ATP7B: variants seen among roughly 807,000 people sequenced by gnomAD.
The protein encoded by ATP7B is ATPase copper transporting beta, also known as copper-transporting ATPase 2.
Under a neutral mutation model 118.9 loss-of-function variants are expected in ATP7B, and 113 were observed. That is an observed-to-expected ratio of 0.95 (90% CI 0.82 to 1.11). The LOEUF (loss-of-function observed/expected upper bound fraction) is 1.11. ATP7B is among the 50% of genes most tolerant of loss of function. ATP7B has a pLI of 0.00. For synonymous variants in ATP7B, 777 were observed against 727.4 expected, an observed-to-expected ratio of 1.07 and a Z score of -1.10; for missense variants, 1,867 against 1,871.4, an observed-to-expected ratio of 1.00 and a Z score of 0.04.
At chr13:51,935,855 C>G (rs559211523) in intron 19 of ATP7B, among the ~76,000 whole-genome samples, 160 bp from the exon 20 acceptor site, 2 of 152,234 alleles carry the variant, frequency 1.3e-5, no homozygotes, top group Non-Finnish European at 2.9e-5. Context: ...AGGCCCCCCC[C>G]AAAGTGAGGC....
rs1362240104 is a variant in ATP7B at position 51,937,535 on chromosome 13, C to A, written c.3844G>T (p.Val1282Leu). The A allele has an allele frequency of 6.2e-7, 1 of 1,614,256 alleles. No homozygotes were observed. The highest frequency in any genetic ancestry group is 8.5e-7 in the Non-Finnish European group (1 of 1,180,044). The change falls in exon 18 of 21, where the codon GTG (valine) becomes TTG (leucine). Residue 1282 changes from valine to leucine, a missense_variant. By Grantham distance (32) the Val-to-Leu change is conservative. Coordinates refer to ENST00000242839, the MANE Select transcript of ATP7B (RefSeq NM_000053.4). ...SPALAQADMGVAIGTGTDVAI... is the reference protein window; with the variant it reads ...SPALAQADMGLAIGTGTDVAI... ...ACATCCGTGCCGGTGCCAATGGCCA[C>A]ACCCATGTCTGCCTGGGCCAAGGCC... is the stretch of plus-strand genomic sequence containing the variant.
At chr13:52,011,517 G>T (rs1954037528), upstream of ATP7B, 8 of 731,448 alleles carry the variant, frequency 1.1e-5, no homozygotes, top group Non-Finnish European at 1.4e-5. Context: ...TTGGGACCGG[G>T]GAAGCCGCAG....
rs756557479 is a variant in ATP7B at position 51,957,625 on chromosome 13, T to C, written c.2356-18A>G. The C allele has an allele frequency of 4.3e-6, 7 of 1,610,598 alleles. No homozygotes were observed. In the South Asian group the frequency reaches 5.5e-5, roughly 13 times the overall value. On this transcript the variant is annotated intron_variant, in intron 8 of 20. Coordinates refer to ENST00000242839, the MANE Select transcript of ATP7B (RefSeq NM_000053.4). ...GTTTTGCTCTAGGAAATAACCAGAA[T>C]GTGAAATGAGAGCTATCGAAAGCAG... is the stretch of plus-strand genomic sequence containing the variant.
intron 1 of ATP7B, 49 bp downstream of exon 1, chr13:52,011,238 T>A: frequency 6.2e-7 from 1 of 1,614,008 alleles, no homozygotes; most frequent in Non-Finnish European, 8.5e-7. Context: ...AGGAAAATCC[T>A]CCTGGTGGGA....
In ATP7B at chr13:51,958,415, C is replaced by T. The variant is rs1555291181; in HGVS notation, c.2251G>A (p.Ala751Thr). 2 of 1,614,234 alleles carry T rather than the reference C, an allele frequency of 1.2e-6. No individual in the cohort carries two copies. Among genetic ancestry groups the T allele is most frequent in the Non-Finnish European group, 1.7e-6 (2 of 1,180,044 alleles). Reference sequence around the variant, plus strand: ...CTCCTCTCCGCCTTCTCAGCCACAGCAACCACCAGGATGACCAGAGAATAA... The same window carrying T: ...CTCCTCTCCGCCTTCTCAGCCACAGTAACCACCAGGATGACCAGAGAATAA... ...YVYSLVILVV[A>T]VAEKAERSPV... The change falls in exon 8 of 21, where the codon GCT becomes ACT. Residue 751 changes from alanine (A) to threonine (T), a missense_variant. Transcript: ENST00000242839.
rs746485916 is a variant in ATP7B at position 51,944,231 on chromosome 13, G to C, written c.3121C>G (p.Arg1041Gly). 1.9e-6 allele frequency: 3 copies of C among 1,614,024 alleles called. No individual in the cohort carries two copies. The South Asian group carries it at 3.3e-5, about 18-fold the overall frequency. ...TITHGVPRVM[R>G]VLLLGDVATL... ...GCCACATCCCCCAGCAGGAGCACCC[G>C]CATGACCCTGGGGACGCCATGGGTA... The change falls in exon 14 of 21, where the codon CGG (arginine) becomes GGG (glycine). Residue 1041 changes from arginine (R) to glycine (G), a missense_variant. Transcript: ENST00000242839.
chr13:51,968,500 A>C lies in ATP7B; in HGVS notation c.1651T>G (p.Phe551Val). 1 of 1,614,132 alleles carries C rather than the reference A, an allele frequency of 6.2e-7. No homozygotes were observed. The change falls in exon 4 of 21, where the codon TTT becomes GTT. Residue 551 changes from phenylalanine to valine, a missense_variant. Phe to Val is a conservative substitution (Grantham distance 50). Coordinates refer to ENST00000242839, the MANE Select transcript of ATP7B (RefSeq NM_000053.4). ...EIAQFIQDLGFEAAVMEDYAG... is the reference protein window; with the variant it reads ...EIAQFIQDLGVEAAVMEDYAG... ...TAGTCCTCCATGACTGCTGCCTCAA[A>C]ACCCAGGTCCTGGATGAACTGAGCT...
intron 1 of ATP7B, chr13:51,995,464 A>T (rs1429989921): frequency 2.2e-6 from 1 of 460,406 alleles, no homozygotes; most frequent in Non-Finnish European, 2.9e-6. Flanking sequence ...GCTTGTGGAC[A>T]GACAGCAGGG....
Position 51,958,308 on chromosome 13 carries a change from T to C in ATP7B, c.2355+3A>G, listed in dbSNP as rs1958486855. 3 of 1,614,122 alleles carry C rather than the reference T, an allele frequency of 1.9e-6. No individual in the cohort carries two copies. Among genetic ancestry groups the C allele is most frequent in the South Asian group, 2.2e-5 (2 of 91,074 alleles). On this transcript the variant is annotated splice_donor_region_variant and intron_variant, in intron 8 of 20. Coordinates refer to ENST00000242839, the MANE Select transcript of ATP7B (RefSeq NM_000053.4). ...TCTTTTCTGAACCTGAAGCTGCTGT[T>C]ACCTTTGCCAAGTGTTCCAGCCACC...
chr13:51,967,240 T>C, intron 4 of ATP7B: 1 of 900,024 alleles, frequency 1.1e-6, no homozygotes, highest in Admixed American at 2.3e-5. Context: ...CTTTCTTTTT[T>C]TTTTCATTAC....
At chr13:51,999,853 G>T (rs1953406161) in intron 1 of ATP7B, among the ~76,000 whole-genome samples, 1 of 152,118 alleles carries the variant, frequency 6.6e-6, no homozygotes, top group Non-Finnish European at 1.5e-5. Context: ...CGAGACAGTG[G>T]TCCTATCCCC....
intron 1 of ATP7B, among the ~76,000 whole-genome samples, chr13:52,006,912 G>A (rs1168253164): frequency 1.3e-5 from 2 of 152,152 alleles, no homozygotes; most frequent in Non-Finnish European, 2.9e-5. Flanking sequence ...TGTGGGTGCT[G>A]TACCATGTAG....
intron 20 of ATP7B, among the ~76,000 whole-genome samples, chr13:51,935,249 C>T (rs1956889088): frequency 1.3e-5 from 2 of 152,230 alleles, no homozygotes; most frequent in South Asian, 4.1e-4. Context: ...TAGGCTGCCA[C>T]TAACTTTTGT....
rs979517861 is a variant in ATP7B, at chr13:51,937,807, C to G, written c.3700-128G>C. ...AGTCAGTGATGTTGGTCAACCACAC[C>G]CTGCAGGTTTGCTGTCACAGGGCCA... On this transcript the variant is annotated intron_variant, in intron 17 of 20. Transcript: ENST00000242839. The G allele has an allele frequency of 1.4e-5, 15 of 1,085,172 alleles. No individual in the cohort carries two copies. In the South Asian group the frequency reaches 1.8e-4, roughly 13 times the overall value. The allele number at this position is 1,085,172 out of a possible 1,614,324, so 67.2% of individuals were successfully genotyped here. A position where few individuals can be genotyped will look rare whatever the true frequency, so the allele number is the denominator to read the frequency against.
chr13:51,963,910 G>T (rs1300210391), intron 5 of ATP7B, among the ~76,000 whole-genome samples: 1 of 151,924 alleles, frequency 6.6e-6, no homozygotes, highest in Non-Finnish European at 1.5e-5. Flanking sequence ...AAATTAGCCA[G>T]GCATGGCGGT....
intron 19 of ATP7B, among the ~76,000 whole-genome samples, chr13:51,936,735 C>T (rs1956988350): frequency 6.6e-6 from 1 of 152,082 alleles, no homozygotes; most frequent in Admixed American, 6.5e-5. Context: ...CCATGTTGCC[C>T]AGGTGAGTCT....
chr13:51,980,070 T>G (rs1322297061), intron 1 of ATP7B, among the ~76,000 whole-genome samples: 1 of 152,338 alleles, frequency 6.6e-6, no homozygotes, highest in Non-Finnish European at 1.5e-5. Flanking sequence ...ATTCAGTTCT[T>G]CAATTAAGAT....
intron 1 of ATP7B, among the ~76,000 whole-genome samples, chr13:52,006,365 C>G (rs186318007): frequency 1.3e-5 from 2 of 152,322 alleles, no homozygotes; most frequent in East Asian, 3.9e-4. Flanking sequence ...GTTTATTACC[C>G]TGCTCCGTAG....
At chr13:52,001,196 T>C (rs1266845311) in intron 1 of ATP7B, among the ~76,000 whole-genome samples, 2 of 152,286 alleles carry the variant, frequency 1.3e-5, no homozygotes, top group East Asian at 3.9e-4. Context: ...TCATCTCACC[T>C]GCACTATTGC....
Sources: gnomAD v4.1 joint callset for allele counts (sites outside exome capture counted in the v4.1 genomes callset) on GRCh38, gnomAD v4.1.1 for gene constraint, MANE v1.5 for transcripts, NCBI Gene and HGNC (gene_info 2026-07-23, HGNC 2026-07-21) for gene names.